USP33: variants seen among roughly 807,000 people sequenced by gnomAD.
The protein encoded by USP33 is ubiquitin carboxyl-terminal hydrolase 33.
A neutral mutation model predicts 124.2 loss-of-function variants in USP33; 46 were observed. The observed-to-expected ratio is 0.37, with a 90% CI of 0.29 to 0.47. The LOEUF (loss-of-function observed/expected upper bound fraction) is 0.47. Among genes scored for constraint, USP33 ranks in the 20% least tolerant of loss-of-function variants. USP33 has a pLI of 0.99. For missense variants in USP33, 851 were observed against 1,070.6 expected (o/e 0.79, Z 2.86); for synonymous variants, 350 against 352.3 (o/e 0.99, Z 0.07).
intron 21 of USP33, among the ~76,000 whole-genome samples, chr1:77,702,141 CAAAAAAAAAAAAAAAAAAAAAA>C (rs58750531): frequency 1.9e-4 from 3 of 15,784 alleles, no homozygotes; most frequent in East Asian, 2.9e-3. Flanking sequence ...GACCCTGTCT[CAAAAAAAAAAAAAAAAAAAAAA>C]AAAAAAAAAA....
intron 22 of USP33, among the ~76,000 whole-genome samples, chr1:77,700,016 A>G (rs1673825889): frequency 6.6e-6 from 1 of 151,810 alleles, no homozygotes; most frequent in African/African-American, 2.4e-5. Context: ...CACAGGGAGG[A>G]GAACACACAC....
chr1:77,759,352 A>G, intron 1 of USP33: 1 of 371,934 alleles, frequency 2.7e-6, no homozygotes. Flanking sequence ...GCTCACCTGC[A>G]CCTCCCGCTT....
chr1:77,740,809 T>C, intron 4 of USP33, 68 bp downstream of exon 4: 1 of 1,070,928 alleles, frequency 9.3e-7, no homozygotes, highest in East Asian at 2.6e-5. Flanking sequence ...AATAATGTTA[T>C]ACTGGCTTTC....
At chr1:77,733,994 A>G (rs1433294063) in intron 7 of USP33, among the ~76,000 whole-genome samples, 1 of 152,206 alleles carries the variant, frequency 6.6e-6, no homozygotes, top group Non-Finnish European at 1.5e-5. Context: ...TAAAAAAAAA[A>G]TCTAACTCCT....
intron 18 of USP33, 130 bp from the exon 19 acceptor site, chr1:77,714,913 A>G (rs905267452): frequency 8.6e-6 from 8 of 928,270 alleles, no homozygotes; most frequent in African/African-American, 3.4e-5. Context: ...ATTTCAAGAG[A>G]AATATACTTT....
At chr1:77,722,344 C>A in intron 12 of USP33, 148 bp from the exon 13 acceptor site, 15 of 678,058 alleles carry the variant, frequency 2.2e-5, no homozygotes, top group South Asian at 4.3e-5. Flanking sequence ...GAACTGCTTT[C>A]ATAGTCATAA....
intron 9 of USP33, 37 bp from the exon 10 acceptor site, chr1:77,728,749 A>G: frequency 1.3e-6 from 2 of 1,575,132 alleles, no homozygotes; most frequent in Non-Finnish European, 1.7e-6. Flanking sequence ...CCACTTCATT[A>G]CATGTGTATA....
chr1:77,749,139 C>T (rs1384713989), intron 1 of USP33, among the ~76,000 whole-genome samples: 1 of 152,168 alleles, frequency 6.6e-6, no homozygotes, highest in Admixed American at 6.5e-5. Flanking sequence ...AGAAAATCTG[C>T]AAAAGATTCC....
intron 21 of USP33, among the ~76,000 whole-genome samples, chr1:77,707,494 C>T (rs989533728): frequency 6.6e-6 from 1 of 152,114 alleles, no homozygotes; most frequent in Non-Finnish European, 1.5e-5. Flanking sequence ...TGCAAATACC[C>T]TTTTTTCAAG....
intron 4 of USP33, among the ~76,000 whole-genome samples, chr1:77,740,052 G>A (rs1174903853): frequency 3.9e-5 from 6 of 152,212 alleles, no homozygotes; most frequent in Non-Finnish European, 8.8e-5. Context: ...GAGAACAGTT[G>A]ATGCTGTAGA....
At position 77,739,387 on chromosome 1, in the gene USP33, T is replaced by C. The variant is rs1678858047; in HGVS notation, c.229A>G (p.Thr77Ala). ...GCATAACACCATACTCGAAGAGTGG[T>C]AAGGTTCACAGTTAGATAATGCTTT... is the stretch of plus-strand genomic sequence containing the variant. Reference protein sequence around the residue: ...ETKHYLTVNLTTLRVWCYACS... With the variant: ...ETKHYLTVNLATLRVWCYACS... The change falls in exon 5 of 24, where the codon ACC becomes GCC. Residue 77 changes from threonine (T) to alanine (A), a missense_variant. Thr to Ala is a moderately conservative substitution (Grantham distance 58, BLOSUM62 0). Transcript: ENST00000370794. 6.2e-7 allele frequency: 1 copy of C among 1,613,146 alleles called. No homozygotes were observed. Among genetic ancestry groups the C allele is most frequent in the Non-Finnish European group, 8.5e-7 (1 of 1,179,630 alleles).
intron 10 of USP33, among the ~76,000 whole-genome samples, chr1:77,727,443 C>T (rs887690675): frequency 6.6e-6 from 1 of 152,198 alleles, no homozygotes; most frequent in Non-Finnish European, 1.5e-5. Flanking sequence ...TCACTAACAA[C>T]TTCTACACAA....
chr1:77,719,856 GAAAAAA>G (rs554573074), intron 15 of USP33, among the ~76,000 whole-genome samples: 8 of 100,226 alleles, frequency 8.0e-5, no homozygotes, highest in Non-Finnish European at 1.5e-4. Flanking sequence ...TCCCTCTCAA[GAAAAAA>G]AAAAAAAAAA....
intron 15 of USP33, among the ~76,000 whole-genome samples, chr1:77,719,837 G>C (rs1676351420): frequency 7.3e-6 from 1 of 136,726 alleles, no homozygotes; most frequent in African/African-American, 2.9e-5. Flanking sequence ...CTGGGCGACA[G>C]AGCAAGGCTC....
intron 4 of USP33, among the ~76,000 whole-genome samples, chr1:77,740,148 T>G (rs952399890): frequency 3.3e-5 from 5 of 152,162 alleles, no homozygotes; most frequent in African/African-American, 1.2e-4. Context: ...AGAAGAGGCA[T>G]GCCAGAGTTA....
chr1:77,696,703 A>C lies in USP33; in HGVS notation c.*614T>G, dbSNP rs922414392. On this transcript the variant is annotated 3_prime_UTR_variant, in exon 24 of 24. Transcript: ENST00000370794. ...AGTTTTCAAAGCAAAAGTATTTACA[A>C]CACTACAAAGGATACTATGGATCTG... 3 of 152,244 alleles carry C rather than the reference A, an allele frequency of 2.0e-5. No individual in the cohort carries two copies. Among genetic ancestry groups the C allele is most frequent in the Admixed American group, 2.0e-4 (3 of 15,280 alleles). 9.4% of individuals were successfully genotyped at this position (152,244 alleles called of 1,614,324 possible).
intron 12 of USP33, 105 bp downstream of exon 12, chr1:77,723,226 C>T: frequency 1.2e-6 from 1 of 849,014 alleles, no homozygotes; most frequent in South Asian, 1.5e-5. Flanking sequence ...CATGTATGCT[C>T]ATCAATAGCA....
rs1570709137 is a variant in USP33, at chr1:77,697,177, T to C, written c.*140A>G. On this transcript the variant is annotated 3_prime_UTR_variant, in exon 24 of 24. Coordinates refer to ENST00000370794, the MANE Select transcript of USP33 (RefSeq NM_201624.3). The stretch of plus-strand genomic sequence containing the variant: ...CACATTTTAATATATTCTTCCATAA[T>C]GCCCACTAAGAAGAAATAAATGGGA... The C allele has an allele frequency of 1.3e-6, 1 of 751,682 alleles. No homozygotes were observed. Among genetic ancestry groups the C allele is most frequent in the Non-Finnish European group, 2.1e-6 (1 of 477,714 alleles). 46.6% of individuals were successfully genotyped at this position (751,682 alleles called of 1,614,324 possible). A position where few individuals can be genotyped will look rare whatever the true frequency, so the allele number is the denominator to read the frequency against.
intron 7 of USP33, 28 bp from the exon 8 acceptor site, chr1:77,730,759 A>G: frequency 6.7e-7 from 1 of 1,496,724 alleles, no homozygotes; most frequent in South Asian, 1.3e-5. Flanking sequence ...AAAATGTTAG[A>G]GTGGAGTCAA....
Sources: gnomAD v4.1 joint callset for allele counts (sites outside exome capture counted in the v4.1 genomes callset) on GRCh38, gnomAD v4.1.1 for gene constraint, MANE v1.5 for transcripts, NCBI Gene and HGNC (gene_info 2026-07-23, HGNC 2026-07-21) for gene names.